The following DENND5B variants were observed in gnomAD, a reference collection of about 807,000 sequenced individuals.
DENND5B encodes DENN domain containing 5B, also known as DENN domain-containing protein 5B.
A neutral mutation model predicts 140.6 loss-of-function variants in DENND5B; 34 were observed. That is an observed-to-expected ratio of 0.24 (90% CI 0.18 to 0.32). The LOEUF is 0.32. Among genes scored for constraint, DENND5B ranks in the 10% least tolerant of loss-of-function variants. The pLI is 1.00. For synonymous variants in DENND5B, 551 were observed against 562.1 expected (o/e 0.98, Z 0.28); for missense variants, 1,142 against 1,560.2 (o/e 0.73, Z 4.52).
intron 1 of DENND5B, among the ~76,000 whole-genome samples, chr12:31,576,496 G>A (rs1208951113): frequency 6.6e-6 from 1 of 151,408 alleles, no homozygotes; most frequent in African/African-American, 2.4e-5. Context: ...AAGAGACAGA[G>A]AAAAGAGAGA....
intron 6 of DENND5B, among the ~76,000 whole-genome samples, 200 bp from the exon 7 acceptor site, chr12:31,443,125 G>C (rs891925388): frequency 1.3e-5 from 2 of 152,150 alleles, no homozygotes; most frequent in Non-Finnish European, 2.9e-5. Flanking sequence ...GCCCAGGCTG[G>C]AGTGCAATGG....
Position 31,479,677 on chromosome 12 carries a change from C to A in DENND5B, c.816G>T (p.Arg272=). ...SELPLSDYPL[R]EAFELLGLEN... ...CTAATCCCAGGAGCTCAAATGCCTC[C>A]CGAAGGGGGTAATCAGAGAGGGGGA... The change falls in exon 3 of 21, where the codon CGG becomes CGT. Residue 272 remains arginine, a synonymous_variant. Transcript: ENST00000389082. 6.3e-7 allele frequency: 1 copy of A among 1,585,718 alleles called. No homozygotes were observed. Among genetic ancestry groups the A allele is most frequent in the East Asian group, 2.3e-5 (1 of 44,140 alleles).
intron 1 of DENND5B, among the ~76,000 whole-genome samples, chr12:31,573,774 T>C (rs1327764264): frequency 4.6e-5 from 7 of 152,044 alleles, no homozygotes; most frequent in Non-Finnish European, 1.0e-4. Context: ...GCAGAGAGGG[T>C]GATAGAGGTA....
chr12:31,585,884 T>C (rs1339504593), intron 1 of DENND5B, among the ~76,000 whole-genome samples: 1 of 152,252 alleles, frequency 6.6e-6, no homozygotes, highest in South Asian at 2.1e-4. Context: ...CTTCGACAAC[T>C]ATTAGGAGGG....
At chr12:31,578,325 C>G (rs572015930) in intron 1 of DENND5B, among the ~76,000 whole-genome samples, 5 of 152,242 alleles carry the variant, frequency 3.3e-5, no homozygotes, top group East Asian at 1.9e-4. Flanking sequence ...AGTGTTGAGA[C>G]ACACACTCCC....
chr12:31,445,585 G>C (rs543185926), intron 6 of DENND5B, among the ~76,000 whole-genome samples: 1 of 152,086 alleles, frequency 6.6e-6, no homozygotes, highest in South Asian at 2.1e-4. Flanking sequence ...TGCATCTGTA[G>C]TCCCAGCTAC....
intron 1 of DENND5B, among the ~76,000 whole-genome samples, chr12:31,515,161 C>T (rs75208873): frequency 0.011 from 1,730 of 151,836 alleles, 19 homozygotes; most frequent in East Asian, 0.032. Context: ...GATTATAAGC[C>T]GAGTGTGGTG....
At chr12:31,451,262 T>C (rs1944506761) in intron 5 of DENND5B, among the ~76,000 whole-genome samples, 1 of 152,142 alleles carries the variant, frequency 6.6e-6, no homozygotes, top group Admixed American at 6.6e-5. Context: ...TGTTATAAGG[T>C]TAAACAGTAT....
Position 31,385,614 on chromosome 12 carries a change from C to T in DENND5B, c.*1989G>A, listed in dbSNP as rs1940817171. ...TGGAAGAGCTGTACCATTGTAGACACACTTTAGCTTCAGGCAAACAAATTT... is the reference window on the plus strand; with the variant it reads ...TGGAAGAGCTGTACCATTGTAGACATACTTTAGCTTCAGGCAAACAAATTT... On this transcript the variant is annotated 3_prime_UTR_variant, in exon 21 of 21. Transcript: ENST00000389082. The T allele has an allele frequency of 6.6e-6, 1 of 152,244 alleles. No homozygotes were observed. Among genetic ancestry groups the T allele is most frequent in the South Asian group, 2.1e-4 (1 of 4,834 alleles). The allele number at this position is 152,244 out of a possible 1,614,324, so 9.4% of individuals were successfully genotyped here.
chr12:31,559,191 C>T (rs548325916), intron 1 of DENND5B, among the ~76,000 whole-genome samples: 1 of 152,152 alleles, frequency 6.6e-6, no homozygotes, highest in Non-Finnish European at 1.5e-5. Context: ...TAAACCTTCA[C>T]ATTAGTGGAG....
At chr12:31,569,354 C>T (rs191239256) in intron 1 of DENND5B, among the ~76,000 whole-genome samples, 5 of 152,326 alleles carry the variant, frequency 3.3e-5, no homozygotes, top group Non-Finnish European at 5.9e-5. Context: ...TGAGCCACCA[C>T]GCCTGGCCTA....
chr12:31,466,745 G>A (rs1396329721), intron 3 of DENND5B, among the ~76,000 whole-genome samples: 2 of 151,622 alleles, frequency 1.3e-5, no homozygotes, highest in Non-Finnish European at 2.9e-5. Context: ...ATTTCAGGAG[G>A]ATTAAAAAAA....
At chr12:31,509,168 TCCA>T (rs1947314683) in intron 1 of DENND5B, among the ~76,000 whole-genome samples, 1 of 152,112 alleles carries the variant, frequency 6.6e-6, no homozygotes, top group Non-Finnish European at 1.5e-5. Flanking sequence ...ACTTTTACTA[TCCA>T]CCAAGAATCT....
At chr12:31,546,875 T>G (rs965619662) in intron 1 of DENND5B, among the ~76,000 whole-genome samples, 5 of 152,032 alleles carry the variant, frequency 3.3e-5, no homozygotes, top group African/African-American at 1.2e-4. Context: ...CAACCAAAAT[T>G]TATTTTGAGT....
chr12:31,464,198 T>C (rs1179532623), intron 3 of DENND5B, among the ~76,000 whole-genome samples: 2 of 152,218 alleles, frequency 1.3e-5, no homozygotes, highest in Non-Finnish European at 2.9e-5. Context: ...ATTTGGCCCT[T>C]GTCTGCCTCA....
chr12:31,418,014 C>T, intron 11 of DENND5B, among the ~76,000 whole-genome samples: 1 of 152,146 alleles, frequency 6.6e-6, no homozygotes, highest in South Asian at 2.1e-4. Context: ...ATGCTTTTGA[C>T]ACTAGCAGGT....
intron 15 of DENND5B, among the ~76,000 whole-genome samples, chr12:31,400,172 G>T (rs944688534): frequency 6.6e-6 from 1 of 152,130 alleles, no homozygotes; most frequent in African/African-American, 2.4e-5. Flanking sequence ...GTTACAAAGA[G>T]GTCAAGAAAA....
At chr12:31,584,487 T>C (rs1018301886) in intron 1 of DENND5B, among the ~76,000 whole-genome samples, 1 of 152,180 alleles carries the variant, frequency 6.6e-6, no homozygotes. Context: ...CGTGTTGCTA[T>C]AAAGAAAATA....
At chr12:31,451,794 A>G in intron 5 of DENND5B, 146 bp downstream of exon 5, 1 of 939,566 alleles carries the variant, frequency 1.1e-6, no homozygotes. Context: ...TGGGGCTGGA[A>G]GACAAAAAGT....
Sources: allele counts gnomAD v4.1 joint callset (sites outside exome capture counted in the v4.1 genomes callset), GRCh38; gene constraint gnomAD v4.1.1; transcripts MANE v1.5; gene names NCBI Gene and HGNC (gene_info 2026-07-23, HGNC 2026-07-21).